LINGO2: variants seen among roughly 807,000 people sequenced by gnomAD.
LINGO2 encodes the protein leucine rich repeat and Ig domain containing 2.
A neutral mutation model predicts 30.6 loss-of-function variants in LINGO2; 14 were observed. The observed-to-expected ratio is 0.46, with a 90% CI of 0.30 to 0.72. LINGO2 has a LOEUF of 0.72. Ranked by LOEUF, LINGO2 falls within the 30% of genes least tolerant of loss-of-function variation. The pLI is 0.07. For synonymous variants in LINGO2, 317 were observed against 288.5 expected, an observed-to-expected ratio of 1.10 and a Z score of -1.00; for missense variants, 729 against 751.7, an observed-to-expected ratio of 0.97 and a Z score of 0.35.
chr9:28,122,945 A>C (rs761938959), intron 4 of LINGO2, among the ~76,000 whole-genome samples: 21 of 152,246 alleles, frequency 1.4e-4, no homozygotes, highest in Non-Finnish European at 2.6e-4. Context: ...CCAATTTGTC[A>C]AAATATATTT....
intron 1 of LINGO2, among the ~76,000 whole-genome samples, chr9:28,493,367 G>A (rs1178897902): frequency 1.3e-5 from 2 of 152,076 alleles, no homozygotes; most frequent in East Asian, 3.9e-4. Flanking sequence ...AACATTGGGG[G>A]TCTGTTAGTA....
At chr9:28,474,362 C>T (rs950232386) in intron 2 of LINGO2, among the ~76,000 whole-genome samples, 1 of 151,660 alleles carries the variant, frequency 6.6e-6, no homozygotes, top group Admixed American at 6.6e-5. Context: ...CTCCTAAATA[C>T]AGCTTAACTT....
At chr9:28,185,418 C>T (rs922845983) in intron 4 of LINGO2, among the ~76,000 whole-genome samples, 7 of 151,912 alleles carry the variant, frequency 4.6e-5, no homozygotes, top group Non-Finnish European at 2.9e-5. Flanking sequence ...AATCATAACC[C>T]ATGATTAACA....
At chr9:28,988,229 T>C in the LINGO2 span, among the ~76,000 whole-genome samples, 2 of 152,228 alleles carry the variant, frequency 1.3e-5, no homozygotes, top group African/African-American at 4.8e-5. Flanking sequence ...GGTGCATATA[T>C]ATTTACAATT....
rs137947329 is a variant in LINGO2, at chr9:28,640,228, A to T, written c.-365+29972T>A. The stretch of plus-strand genomic sequence containing the variant: ...TGGACTTTCCTTTGTGGGTAACCCG[A>T]CCTTTCTCTGTGGCTGCCCGTAACA... On this transcript the variant is annotated intron_variant, in intron 1 of 5. Coordinates refer to ENST00000379992, the Ensembl canonical transcript of LINGO2. Among the ~76,000 whole-genome samples the T allele has an allele frequency of 3.5e-3, 529 of 149,394 alleles. 6 individuals carry two copies. The highest frequency in any genetic ancestry group is 0.013 in the African/African-American group (512 of 40,922).
the LINGO2 span, among the ~76,000 whole-genome samples, chr9:28,921,056 C>A: frequency 9.2e-5 from 14 of 151,926 alleles, no homozygotes; most frequent in Non-Finnish European, 2.1e-4. Context: ...AATATGATAG[C>A]CAAATCACCT....
the LINGO2 span, among the ~76,000 whole-genome samples, chr9:29,119,577 C>CTTTTTTT: frequency 7.3e-5 from 6 of 82,512 alleles, no homozygotes; most frequent in South Asian, 5.0e-4. Context: ...CAGTTGTCAT[C>CTTTTTTT]TTTTTTTTTT....
the LINGO2 span, among the ~76,000 whole-genome samples, chr9:29,195,127 T>C: frequency 1.3e-5 from 2 of 151,330 alleles, no homozygotes; most frequent in African/African-American, 2.4e-5. Flanking sequence ...CCATACGGTA[T>C]GTAAACTTTT....
chr9:28,283,740 A>G (rs1823407778), intron 4 of LINGO2, among the ~76,000 whole-genome samples: 1 of 152,124 alleles, frequency 6.6e-6, no homozygotes, highest in Admixed American at 6.6e-5. Context: ...GAGTACACAT[A>G]CCTTTGTATA....
the LINGO2 span, among the ~76,000 whole-genome samples, chr9:28,828,562 A>G: frequency 3.9e-5 from 6 of 151,952 alleles, no homozygotes; most frequent in African/African-American, 1.2e-4. Flanking sequence ...AATTTGAGTT[A>G]GAGTTCAGCT....
intron 3 of LINGO2, among the ~76,000 whole-genome samples, chr9:28,323,778 A>C (rs1009156045): frequency 1.3e-5 from 2 of 152,210 alleles, no homozygotes; most frequent in Admixed American, 6.5e-5. Flanking sequence ...TAAAAGGTAG[A>C]CGGCTAACAT....
At chr9:28,424,569 G>A (rs999408416) in intron 2 of LINGO2, among the ~76,000 whole-genome samples, 4 of 152,210 alleles carry the variant, frequency 2.6e-5, no homozygotes, top group African/African-American at 9.6e-5. Flanking sequence ...CTAAATGAAT[G>A]GTAGTTGATT....
At chr9:28,143,451 C>T (rs367849437) in intron 4 of LINGO2, among the ~76,000 whole-genome samples, 1 of 152,012 alleles carries the variant, frequency 6.6e-6, no homozygotes, top group Non-Finnish European at 1.5e-5. Flanking sequence ...GTATGAAAGC[C>T]TGATAAAATC....
the LINGO2 span, among the ~76,000 whole-genome samples, chr9:28,892,565 A>T: frequency 2.0e-5 from 3 of 151,984 alleles, no homozygotes; most frequent in African/African-American, 7.2e-5. Flanking sequence ...ATCAAAAGCA[A>T]CTTAACATGT....
At chr9:29,176,489 G>T in the LINGO2 span, among the ~76,000 whole-genome samples, 1 of 152,106 alleles carries the variant, frequency 6.6e-6, no homozygotes, top group African/African-American at 2.4e-5. Context: ...CTCACAGTTG[G>T]GCTAAGAATA....
chr9:29,110,492 C>T, the LINGO2 span, among the ~76,000 whole-genome samples: 1 of 151,570 alleles, frequency 6.6e-6, no homozygotes, highest in Non-Finnish European at 1.5e-5. Context: ...GCCGCCACGC[C>T]CGGCTAATTT....
the LINGO2 span, among the ~76,000 whole-genome samples, chr9:29,106,311 CTT>C: frequency 6.6e-6 from 1 of 152,000 alleles, no homozygotes; most frequent in Non-Finnish European, 1.5e-5. Context: ...TGGGGAGACT[CTT>C]TTGTTTTTAA....
At chr9:28,424,014 G>A (rs1564190474) in intron 2 of LINGO2, among the ~76,000 whole-genome samples, 1 of 151,996 alleles carries the variant, frequency 6.6e-6, no homozygotes, top group Non-Finnish European at 1.5e-5. Flanking sequence ...TCTATCAATA[G>A]TGTTAAGACT....
At chr9:29,122,826 T>A in the LINGO2 span, among the ~76,000 whole-genome samples, 1 of 152,244 alleles carries the variant, frequency 6.6e-6, no homozygotes, top group African/African-American at 2.4e-5. Context: ...ATGTTCTGAC[T>A]GTGGTAGGTC....
Sources: allele counts gnomAD v4.1 joint callset (sites outside exome capture counted in the v4.1 genomes callset), GRCh38; gene constraint gnomAD v4.1.1; transcripts MANE v1.5; gene names NCBI Gene and HGNC (gene_info 2026-07-23, HGNC 2026-07-21).